Variants in CPA6 observed in about 807,000 individuals in gnomAD.
CPA6 encodes carboxypeptidase A6, also known as carboxypeptidase B.
In CPA6, 58 loss-of-function variants were observed where a neutral mutation model predicts 63.3. That is an observed-to-expected ratio of 0.92 (90% confidence interval 0.74 to 1.14). The LOEUF is 1.14. Among genes scored for constraint, CPA6 ranks in the 50% most tolerant of loss-of-function variants. The pLI is 0.00. For missense variants in CPA6, 565 were observed against 526.6 expected, an observed-to-expected ratio of 1.07 and a Z score of -0.71; for synonymous variants, 185 against 179.0, an observed-to-expected ratio of 1.03 and a Z score of -0.27.
intron 8 of CPA6, among the ~76,000 whole-genome samples, chr8:67,443,667 C>T (rs562753536): frequency 2.6e-5 from 4 of 152,288 alleles, no homozygotes; most frequent in Admixed American, 2.0e-4. Flanking sequence ...TTCTCTTCCC[C>T]TCAGTCTCTT....
chr8:67,736,820 T>C (rs1817821175), intron 1 of CPA6, among the ~76,000 whole-genome samples: 1 of 152,202 alleles, frequency 6.6e-6, no homozygotes, highest in African/African-American at 2.4e-5. Flanking sequence ...AAAAAGTGCT[T>C]ATCTTCTCTG....
chr8:67,526,308 C>A (rs1346810947), intron 2 of CPA6, among the ~76,000 whole-genome samples: 1 of 152,130 alleles, frequency 6.6e-6, no homozygotes, highest in Non-Finnish European at 1.5e-5. Flanking sequence ...AAGCAGTGGT[C>A]ACTGACATTA....
At chr8:67,650,811 A>G (rs1187876119) in intron 1 of CPA6, among the ~76,000 whole-genome samples, 1 of 152,202 alleles carries the variant, frequency 6.6e-6, no homozygotes, top group Non-Finnish European at 1.5e-5. Flanking sequence ...CAAATTGCAC[A>G]GAGGATTGAT....
rs182203441 is a variant in CPA6 at position 67,558,703 on chromosome 8, T to A, written c.193-40656A>T. On this transcript the variant is annotated intron_variant, in intron 2 of 10. Transcript: ENST00000297770. ...TAGTTTTGCTGGAAGACACTGTCAA[T>A]ACAAGAGTCTGTCAGACTGAAGAAA... Among the ~76,000 whole-genome samples the A allele has an allele frequency of 6.0e-5, 9 of 150,852 alleles. No individual in the cohort carries two copies. The East Asian group carries it at 1.7e-3, about 29-fold the overall frequency.
At chr8:67,528,819 T>C (rs1176047842) in intron 2 of CPA6, among the ~76,000 whole-genome samples, 1 of 152,002 alleles carries the variant, frequency 6.6e-6, no homozygotes, top group Non-Finnish European at 1.5e-5. Context: ...TGGCACTTTC[T>C]AGCTTTATTA....
chr8:67,561,314 A>T (rs1179928470), intron 2 of CPA6, among the ~76,000 whole-genome samples: 1 of 152,198 alleles, frequency 6.6e-6, no homozygotes, highest in Non-Finnish European at 1.5e-5. Flanking sequence ...TAAAGGAAAA[A>T]CAGCAAAGAA....
At chr8:67,498,941 C>T (rs537053088) in intron 6 of CPA6, among the ~76,000 whole-genome samples, 95 of 152,258 alleles carry the variant, frequency 6.2e-4, no homozygotes, top group African/African-American at 2.2e-3. Context: ...ACTTAAAAGA[C>T]TAAAACCCAT....
chr8:67,547,846 A>G (rs1812852412), intron 2 of CPA6, among the ~76,000 whole-genome samples: 1 of 152,220 alleles, frequency 6.6e-6, no homozygotes, highest in Non-Finnish European at 1.5e-5. Flanking sequence ...CTCCATTCAT[A>G]GTTAATTTAC....
chr8:67,698,695 T>C (rs1816958542), intron 1 of CPA6, among the ~76,000 whole-genome samples: 1 of 152,214 alleles, frequency 6.6e-6, no homozygotes, highest in Non-Finnish European at 1.5e-5. Context: ...CAACTGGATT[T>C]ATAAGATCCT....
chr8:67,474,412 G>T (rs561085854), intron 8 of CPA6, among the ~76,000 whole-genome samples: 80 of 152,020 alleles, frequency 5.3e-4, no homozygotes, highest in African/African-American at 1.7e-3. Context: ...TAGTAGAGAT[G>T]GGGTTTCACC....
chr8:67,642,429 T>A (rs1338923819), intron 1 of CPA6, among the ~76,000 whole-genome samples: 1 of 152,208 alleles, frequency 6.6e-6, no homozygotes. Context: ...CCCTCAAATT[T>A]ATCTATAGAT....
intron 8 of CPA6, among the ~76,000 whole-genome samples, chr8:67,465,668 G>A (rs1004056255): frequency 1.3e-5 from 2 of 151,944 alleles, no homozygotes; most frequent in Non-Finnish European, 2.9e-5. Flanking sequence ...TTTTTATCAT[G>A]AGGGGATGCT....
intron 8 of CPA6, among the ~76,000 whole-genome samples, chr8:67,481,689 A>C (rs1055094664): frequency 1.3e-5 from 2 of 152,114 alleles, no homozygotes; most frequent in African/African-American, 4.8e-5. Flanking sequence ...TATGCTATGG[A>C]TGTTTATTTG....
At chr8:67,543,774 C>CTATTATTATTAT (rs56764745) in intron 2 of CPA6, among the ~76,000 whole-genome samples, 66,430 of 146,522 alleles carry the variant, frequency 0.45, 17,960 homozygotes, top group Non-Finnish European at 0.61. Flanking sequence ...TCCCCCTCCA[C>CTATTATTATTAT]TATTATTATT....
Position 67,531,318 on chromosome 8 carries a change from G to A in CPA6, c.193-13271C>T, listed in dbSNP as rs566274359. On this transcript the variant is annotated intron_variant, in intron 2 of 10. Transcript: ENST00000297770. ...AAATAAACAGGGATTACATTATCTAGGTAAAATAACATGTATGTTGAATAA... is the reference window on the plus strand; with the variant it reads ...AAATAAACAGGGATTACATTATCTAAGTAAAATAACATGTATGTTGAATAA... Among the ~76,000 whole-genome samples the A allele has an allele frequency of 4.6e-5, 7 of 152,138 alleles. No homozygotes were observed. In the East Asian group the frequency reaches 1.4e-3, roughly 29 times the overall value.
At chr8:67,714,080 G>A (rs1014721917) in intron 1 of CPA6, among the ~76,000 whole-genome samples, 2 of 152,060 alleles carry the variant, frequency 1.3e-5, no homozygotes, top group African/African-American at 4.8e-5. Flanking sequence ...AGGTTCTTTA[G>A]AAGGTTGCAT....
At chr8:67,696,402 T>C (rs1816913289) in intron 1 of CPA6, among the ~76,000 whole-genome samples, 1 of 152,160 alleles carries the variant, frequency 6.6e-6, no homozygotes, top group African/African-American at 2.4e-5. Flanking sequence ...CAATATCAAG[T>C]GTTGCAAGGT....
chr8:67,732,228 G>A (rs905755118), intron 1 of CPA6, among the ~76,000 whole-genome samples: 3 of 152,214 alleles, frequency 2.0e-5, no homozygotes, highest in African/African-American at 2.4e-5. Flanking sequence ...GCACATACAG[G>A]TGGCAGCTGT....
In CPA6 at chr8:67,483,775, C is replaced by T; in HGVS notation, c.831G>A (p.Lys277=). 1 of 1,613,972 alleles carries T rather than the reference C, an allele frequency of 6.2e-7. No homozygotes were observed. The highest frequency in any genetic ancestry group is 8.5e-7 in the Non-Finnish European group (1 of 1,179,834). Residue 277 remains lysine, a synonymous_variant, in exon 8 of 11, where the codon AAG becomes AAA. Transcript: ENST00000297770. ...AGTTGGTCCCAAACTTACCACACCACTTCACTTTCCAGTTTCTATTGGCAT... is the reference window on the plus strand; with the variant it reads ...AGTTGGTCCCAAACTTACCACACCATTTCACTTTCCAGTTTCTATTGGCAT... ...GVDANRNWKV[K]WCDEGASMHP...
Sources: gnomAD v4.1 joint callset for allele counts (sites outside exome capture counted in the v4.1 genomes callset) on GRCh38, gnomAD v4.1.1 for gene constraint, MANE v1.5 for transcripts, NCBI Gene and HGNC (gene_info 2026-07-23, HGNC 2026-07-21) for gene names.